LRRC46: variants seen among roughly 807,000 people sequenced by gnomAD.
The protein encoded by LRRC46 is leucine rich repeat containing 46, also known as leucine-rich repeat-containing protein 46.
A neutral mutation model predicts 28.0 loss-of-function variants in LRRC46; 20 were observed. The ratio of observed to expected loss-of-function variants is 0.71; its 90% confidence interval spans 0.50 to 1.04. The LOEUF is 1.04. Among genes scored for constraint, LRRC46 ranks in the 50% least tolerant of loss-of-function variants. LRRC46 has a pLI of 0.00. For missense variants in LRRC46, 315 were observed against 390.1 expected (o/e 0.81, Z 1.62); for synonymous variants, 156 against 158.8 (o/e 0.98, Z 0.13).
Position 47,835,656 on chromosome 17 carries a change from T to A in LRRC46, c.273-10T>A. ...CAGCTCTGCCTCTGTACCCCTTCCT[T>A]CCCCTACAGCTTCCTGTCTCTGGCA... On this transcript the variant is annotated splice_polypyrimidine_tract_variant and intron_variant, in intron 4 of 7. Coordinates refer to ENST00000269025, the MANE Select transcript of LRRC46 (RefSeq NM_033413.4). The A allele has an allele frequency of 6.2e-7, 1 of 1,612,110 alleles. No individual in the cohort carries two copies. The highest frequency in any genetic ancestry group is 8.5e-7 in the Non-Finnish European group (1 of 1,178,232).
chr17:47,836,021 T>C lies in LRRC46; in HGVS notation c.383-12T>C. On this transcript the variant is annotated splice_polypyrimidine_tract_variant and intron_variant, in intron 5 of 7. Transcript: ENST00000269025. The surrounding 1 kb of genome is among the most constrained non-coding windows in gnomAD (Gnocchi z 5.8). ...GTGAGAACCCCATTTCCTCTCTCTTTGCTGTGTGCAGATGAGTTCCCCCAG... is the reference window on the plus strand; with the variant it reads ...GTGAGAACCCCATTTCCTCTCTCTTCGCTGTGTGCAGATGAGTTCCCCCAG... 1 of 1,614,056 alleles carries C rather than the reference T, an allele frequency of 6.2e-7. No homozygotes were observed. Among genetic ancestry groups the C allele is most frequent in the Non-Finnish European group, 8.5e-7 (1 of 1,179,880 alleles).
At position 47,835,412 on chromosome 17, in the gene LRRC46, A is replaced by G. The variant is rs1598045020; in HGVS notation, c.272+13A>G. 6.2e-7 allele frequency: 1 copy of G among 1,613,788 alleles called. No individual in the cohort carries two copies. On this transcript the variant is annotated intron_variant, in intron 4 of 7. Transcript: ENST00000269025. ...TCCCCTCCTTGCGGTATGTGGTGCC[A>G]GGGCTCAGGCAGGGGAAGAGGGGTT...
At chr17:47,835,253 C>T in intron 3 of LRRC46, 100 bp from the exon 4 acceptor site, 1 of 1,227,764 alleles carries the variant, frequency 8.1e-7, no homozygotes, top group South Asian at 1.2e-5. Context: ...GCCAGATCTC[C>T]AGCTGCAGAG....
rs956125855 is a variant in LRRC46, at chr17:47,831,750, C to A, written c.-240C>A. 3.1e-6 allele frequency: 2 copies of A among 640,334 alleles called. No homozygotes were observed. Among genetic ancestry groups the A allele is most frequent in the African/African-American group, 3.7e-5 (2 of 54,466 alleles). 39.7% of individuals were successfully genotyped at this position (640,334 alleles called of 1,614,324 possible). A position where few individuals can be genotyped will look rare whatever the true frequency, so the allele number is the denominator to read the frequency against. On this transcript the variant is annotated 5_prime_UTR_variant, in exon 1 of 8. Transcript: ENST00000269025. ...TCAACCATTCCTGCCCACAACACCC[C>A]AGCTTGCTGCCAGCAAAGCCCCTCC...
chr17:47,833,327 A>ATTCTTTCTTTCTTTCTTTCT (rs368178077), intron 2 of LRRC46, among the ~76,000 whole-genome samples: 6 of 149,740 alleles, frequency 4.0e-5, no homozygotes, highest in African/African-American at 1.5e-4. Flanking sequence ...GTTTGGCCTT[A>ATTCTTTCTTTCTTTCTTTCT]TTCTTTCTTT....
At position 47,837,072 on chromosome 17, in the gene LRRC46, T is replaced by G. The variant is rs762508545; in HGVS notation, c.918T>G (p.Ala306=). ...RAATAPKASV[A]EAPSTTKTTA... is the part of the protein sequence containing the mutation. ...CCACAGCCCCCAAGGCCTCTGTGGC[T>G]GAGGCCCCCAGCACAACCAAAACTA... Residue 306 remains alanine, a synonymous_variant, in exon 8 of 8, where the codon GCT becomes GCG. Coordinates refer to ENST00000269025, the MANE Select transcript of LRRC46 (RefSeq NM_033413.4). 1.9e-6 allele frequency: 3 copies of G among 1,605,244 alleles called. No individual in the cohort carries two copies. Among genetic ancestry groups the G allele is most frequent in the Non-Finnish European group, 2.5e-6 (3 of 1,177,950 alleles).
At chr17:47,833,131 G>A (rs11650289) in intron 2 of LRRC46, among the ~76,000 whole-genome samples, 43,567 of 151,922 alleles carry the variant, frequency 0.29, 7,847 homozygotes, top group East Asian at 0.63. Flanking sequence ...GGCTGTATTA[G>A]CATGTACTAT....
At chr17:47,834,667 C>T in intron 3 of LRRC46, 134 bp downstream of exon 3, 1 of 609,222 alleles carries the variant, frequency 1.6e-6, no homozygotes. Context: ...AAACCATTCC[C>T]AGACGAATGA....
chr17:47,837,138 T>C lies in LRRC46; in HGVS notation c.*18T>C, dbSNP rs769697227. 6.3e-7 allele frequency: 1 copy of C among 1,597,586 alleles called. No homozygotes were observed. Among genetic ancestry groups the C allele is most frequent in the East Asian group, 2.2e-5 (1 of 44,824 alleles). ...AGAAATGATTCTCTGTCAACCTTTC[T>C]CTACTAGTGGAGAGGAGTGGGGCCT... is the stretch of plus-strand genomic sequence containing the variant. On this transcript the variant is annotated 3_prime_UTR_variant, in exon 8 of 8. Transcript: ENST00000269025.
chr17:47,836,919 G>A lies in LRRC46; in HGVS notation c.765G>A (p.Ala255=), dbSNP rs151238432. ...ACAGCAGCCCTTCTGCCACTCCTGCGCAAGGGGAGGAGACAGTCCCTGAGG... is the reference window on the plus strand; with the variant it reads ...ACAGCAGCCCTTCTGCCACTCCTGCACAAGGGGAGGAGACAGTCCCTGAGG... ...AGDSSPSATP[A]QGEETVPEAV... is the part of the protein sequence containing the mutation. The change falls in exon 8 of 8, where the codon GCG becomes GCA. Residue 255 remains alanine (A), a synonymous_variant. Transcript: ENST00000269025. The surrounding 1 kb of genome is among the most constrained non-coding windows in gnomAD (Gnocchi z 5.8). 3.8e-5 allele frequency: 62 copies of A among 1,613,710 alleles called. No individual in the cohort carries two copies. In the African/African-American group the frequency reaches 5.9e-4, roughly 15 times the overall value.
intron 3 of LRRC46, 96 bp from the exon 4 acceptor site, chr17:47,835,257 T>C (rs755385272): frequency 2.4e-6 from 3 of 1,262,444 alleles, no homozygotes; most frequent in Non-Finnish European, 2.3e-6. Flanking sequence ...GATCTCCAGC[T>C]GCAGAGTAGA....
In LRRC46 at chr17:47,832,198, G is replaced by A; in HGVS notation, c.109G>A (p.Glu37Lys). The A allele has an allele frequency of 6.3e-7, 1 of 1,588,260 alleles. No homozygotes were observed. Among genetic ancestry groups the A allele is most frequent in the Non-Finnish European group, 8.6e-7 (1 of 1,165,536 alleles). ...LTFPEDGELS[E>K]KMFHTLDELQ... ...TTTCCCTGAAGATGGGGAACTGTCA[G>A]AGAAGATGTGAGTGCATGGGGGAGA... Residue 37 changes from glutamate to lysine, a missense_variant, in exon 2 of 8, where the codon GAG becomes AAG. Transcript: ENST00000269025.
chr17:47,836,379 C>G lies in LRRC46; in HGVS notation c.499C>G (p.Gln167Glu), dbSNP rs1851460741. The part of the protein sequence containing the change: ...ALPLLLDLDG[Q>E]PVVERWISDE... ...GCCACTTCTCCTGGACCTGGACGGGCAGCCTGTGGTGGAGCGCTGGATTTC... is the reference window on the plus strand; with the variant it reads ...GCCACTTCTCCTGGACCTGGACGGGGAGCCTGTGGTGGAGCGCTGGATTTC... Residue 167 changes from glutamine to glutamate, a missense_variant, in exon 7 of 8, where the codon CAG (glutamine) becomes GAG (glutamate). Physicochemically the swap from Gln to Glu is conservative, Grantham distance 29. Transcript: ENST00000269025. The surrounding 1 kb of genome is among the most constrained non-coding windows in gnomAD (Gnocchi z 5.8). The G allele has an allele frequency of 6.2e-7, 1 of 1,614,124 alleles. No individual in the cohort carries two copies. Among genetic ancestry groups the G allele is most frequent in the Non-Finnish European group, 8.5e-7 (1 of 1,180,020 alleles).
Position 47,837,152 on chromosome 17 carries a change from G to A in LRRC46, c.*32G>A. 1 of 1,587,544 alleles carries A rather than the reference G, an allele frequency of 6.3e-7. No homozygotes were observed. The highest frequency in any genetic ancestry group is 8.5e-7 in the Non-Finnish European group (1 of 1,173,618). On this transcript the variant is annotated 3_prime_UTR_variant, in exon 8 of 8. Coordinates refer to ENST00000269025, the MANE Select transcript of LRRC46 (RefSeq NM_033413.4). ...GTCAACCTTTCTCTACTAGTGGAGA[G>A]GAGTGGGGCCTGCCCCTCTTCTCAG...
intron 2 of LRRC46, chr17:47,833,810 G>A (rs1452704379): frequency 3.5e-6 from 1 of 282,758 alleles, no homozygotes; most frequent in Non-Finnish European, 5.3e-6. Flanking sequence ...AAGTGCAGTG[G>A]CATAATCATG....
Position 47,834,405 on chromosome 17 carries a change from C to T in LRRC46, c.117-20C>T, listed in dbSNP as rs746363249. On this transcript the variant is annotated intron_variant, in intron 2 of 7. Coordinates refer to ENST00000269025, the MANE Select transcript of LRRC46 (RefSeq NM_033413.4). ...ACATGAGTGGTGCTCTAACACCACC[C>T]TTACTGACTCTTTTCCCAGGTTTCA... 6 of 1,573,934 alleles carry T rather than the reference C, an allele frequency of 3.8e-6. No homozygotes were observed. The highest frequency in any genetic ancestry group is 5.2e-6 in the Non-Finnish European group (6 of 1,145,190).
intron 2 of LRRC46, chr17:47,833,847 C>T: frequency 1.2e-6 from 1 of 801,110 alleles, no homozygotes; most frequent in Non-Finnish European, 1.5e-6. Context: ...ACCTCCTGGG[C>T]TCGAGCGATC....
intron 2 of LRRC46, chr17:47,833,853 C>T (rs192923640): frequency 3.3e-4 from 281 of 860,508 alleles, no homozygotes; most frequent in South Asian, 1.6e-3. Flanking sequence ...TGGGCTCGAG[C>T]GATCCTCCTG....
rs745510729 is a variant in LRRC46 at position 47,836,359 on chromosome 17, T to A, written c.479T>A (p.Leu160His). ...YRELVTEALP[L>H]LLDLDGQPVV... Reference sequence around the variant, plus strand: ...GAGCTGGTGACAGAAGCCCTGCCACTTCTCCTGGACCTGGACGGGCAGCCT... The same window carrying A: ...GAGCTGGTGACAGAAGCCCTGCCACATCTCCTGGACCTGGACGGGCAGCCT... Residue 160 changes from leucine (L) to histidine (H), a missense_variant, in exon 7 of 8, where the codon CTT becomes CAT. Leu to His is a moderately conservative substitution (Grantham distance 99, BLOSUM62 -3). Coordinates refer to ENST00000269025, the MANE Select transcript of LRRC46 (RefSeq NM_033413.4). The surrounding 1 kb of genome is among the most constrained non-coding windows in gnomAD (Gnocchi z 5.8). 1 of 1,614,070 alleles carries A rather than the reference T, an allele frequency of 6.2e-7. No homozygotes were observed. The highest frequency in any genetic ancestry group is 8.5e-7 in the Non-Finnish European group (1 of 1,180,010).
Sources: gnomAD v4.1 joint callset for allele counts (sites outside exome capture counted in the v4.1 genomes callset) on GRCh38, gnomAD v4.1.1 for gene constraint, Gnocchi (gnomAD v3.1) non-coding constraint, MANE v1.5 for transcripts, NCBI Gene and HGNC (gene_info 2026-07-23, HGNC 2026-07-21) for gene names.